The following ATP8B1 variants were observed in gnomAD, a reference collection of about 807,000 sequenced individuals.
ATP8B1 encodes the protein phospholipid-transporting ATPase IC.
ATP8B1 carries 80 observed loss-of-function variants against 149.9 expected under a neutral mutation model. The ratio of observed to expected loss-of-function variants is 0.53; its 90% CI spans 0.45 to 0.64. ATP8B1 has a LOEUF of 0.64. Ranked by LOEUF, ATP8B1 falls within the 30% of genes least tolerant of loss-of-function variation. ATP8B1 has a pLI of 0.00. For missense variants in ATP8B1, 1,247 were observed against 1,552.6 expected (o/e 0.80, Z 3.31); for synonymous variants, 536 against 562.8 (o/e 0.95, Z 0.67).
intron 1 of ATP8B1, among the ~76,000 whole-genome samples, chr18:57,745,664 T>A (rs1021760658): frequency 9.9e-5 from 15 of 151,866 alleles, no homozygotes; most frequent in African/African-American, 2.9e-4. Context: ...CAATTTTTTT[T>A]TTTTTTTTCT....
At chr18:57,767,594 C>G (rs1446863767) in intron 1 of ATP8B1, among the ~76,000 whole-genome samples, 2 of 152,076 alleles carry the variant, frequency 1.3e-5, no homozygotes, top group Non-Finnish European at 2.9e-5. Flanking sequence ...TCGAGACCAG[C>G]CTCGCTAACA....
intron 2 of ATP8B1, among the ~76,000 whole-genome samples, chr18:57,714,208 G>T (rs932472278): frequency 6.6e-6 from 1 of 152,192 alleles, no homozygotes; most frequent in African/African-American, 2.4e-5. Flanking sequence ...CCTGTGGAAA[G>T]GGCAGAATAG....
chr18:57,668,197 C>G, intron 19 of ATP8B1: 1 of 1,438,814 alleles, frequency 7.0e-7, no homozygotes, highest in Non-Finnish European at 9.2e-7. Context: ...ATCAGCAAGA[C>G]ATGGCCAGGA....
At chr18:57,659,706 A>G (rs1487384324) in intron 22 of ATP8B1, 2 of 151,860 alleles carry the variant, frequency 1.3e-5, no homozygotes, top group Admixed American at 1.3e-4. Flanking sequence ...TAGTGACCAC[A>G]GACATACGCA....
At chr18:57,774,704 G>A (rs1053253180) in intron 1 of ATP8B1, among the ~76,000 whole-genome samples, 1 of 152,188 alleles carries the variant, frequency 6.6e-6, no homozygotes, top group Non-Finnish European at 1.5e-5. Flanking sequence ...CCAGCACCCA[G>A]AATACAGTAC....
intron 2 of ATP8B1, among the ~76,000 whole-genome samples, chr18:57,716,676 A>G (rs1023317735): frequency 6.6e-6 from 1 of 152,240 alleles, no homozygotes; most frequent in African/African-American, 2.4e-5. Flanking sequence ...GCACCCAGAT[A>G]TATAAAGCAA....
rs779133419 is a variant in ATP8B1, at chr18:57,716,414, A to AT, written c.182-9828dup. Among the ~76,000 whole-genome samples, 238 of 151,994 alleles carry AT rather than the reference A, an allele frequency of 1.6e-3. 1 individual carries two copies. The highest frequency in any genetic ancestry group is 2.6e-3 in the Non-Finnish European group (177 of 67,932). The stretch of plus-strand genomic sequence containing the variant: ...CAAAAGATATAGAGTGGCTGAATAG[A>AT]TTTAAAAAAAAAAAAGACCCAGTGA... On this transcript the variant is annotated intron_variant, in intron 2 of 27. Transcript: ENST00000648908.
chr18:57,672,914 ATATATATATATAT>A (rs1911319148), intron 16 of ATP8B1, among the ~76,000 whole-genome samples: 1 of 76,424 alleles, frequency 1.3e-5, no homozygotes, highest in Non-Finnish European at 2.5e-5. Flanking sequence ...ATATATATAT[ATATATATATATAT>A]ATATAACATG....
chr18:57,727,400 A>C (rs2079719375), intron 2 of ATP8B1, among the ~76,000 whole-genome samples: 1 of 152,240 alleles, frequency 6.6e-6, no homozygotes, highest in Admixed American at 6.5e-5. Context: ...GATACGTTTC[A>C]ATGAGCCATC....
At chr18:57,756,505 T>C (rs761814891) in intron 1 of ATP8B1, among the ~76,000 whole-genome samples, 2 of 151,920 alleles carry the variant, frequency 1.3e-5, no homozygotes, top group Non-Finnish European at 2.9e-5. Flanking sequence ...TTTACCATGT[T>C]GGCCAGGCTG....
chr18:57,690,223 A>G (rs7231193), intron 12 of ATP8B1, among the ~76,000 whole-genome samples: 12,627 of 152,232 alleles, frequency 0.083, 988 homozygotes, highest in African/African-American at 0.2. Context: ...GGCAGAGAAA[A>G]GAGCAGGGAC....
intron 1 of ATP8B1, among the ~76,000 whole-genome samples, chr18:57,799,169 A>T (rs1316045370): frequency 6.6e-6 from 1 of 152,200 alleles, no homozygotes; most frequent in Admixed American, 6.5e-5. Context: ...AGGCAAGGTA[A>T]CTTGCCCTAG....
At chr18:57,714,979 CA>C (rs2079570762) in intron 2 of ATP8B1, among the ~76,000 whole-genome samples, 1 of 152,274 alleles carries the variant, frequency 6.6e-6, no homozygotes, top group Non-Finnish European at 1.5e-5. Flanking sequence ...CCTGCAGAAA[CA>C]AAACTATATG....
intron 2 of ATP8B1, among the ~76,000 whole-genome samples, chr18:57,715,150 T>C (rs1185395264): frequency 6.6e-6 from 1 of 152,112 alleles, no homozygotes; most frequent in Non-Finnish European, 1.5e-5. Context: ...TTCTATCAGA[T>C]AAATGTAACA....
chr18:57,734,328 T>G (rs2079823903), intron 1 of ATP8B1, among the ~76,000 whole-genome samples: 1 of 152,178 alleles, frequency 6.6e-6, no homozygotes, highest in Non-Finnish European at 1.5e-5. Context: ...TAGCTGGGAT[T>G]ACAGGCATGT....
chr18:57,791,518 A>G (rs1284185798), intron 1 of ATP8B1, among the ~76,000 whole-genome samples: 2 of 151,078 alleles, frequency 1.3e-5, no homozygotes, highest in African/African-American at 2.4e-5. Context: ...ACCTTTTTGT[A>G]TTTTTAGTAG....
chr18:57,708,696 TA>T (rs1368882312), intron 2 of ATP8B1: 1 of 152,222 alleles, frequency 6.6e-6, no homozygotes. Context: ...AAGGGATTTT[TA>T]AAAAGTCAAT....
At chr18:57,749,824 G>T (rs1165436833) in intron 1 of ATP8B1, among the ~76,000 whole-genome samples, 1 of 152,180 alleles carries the variant, frequency 6.6e-6, no homozygotes, top group Non-Finnish European at 1.5e-5. Context: ...CCCAACAATA[G>T]CAAATCTAAC....
At chr18:57,663,345 TG>T (rs1910617960) in intron 20 of ATP8B1, among the ~76,000 whole-genome samples, 1 of 152,218 alleles carries the variant, frequency 6.6e-6, no homozygotes, top group Admixed American at 6.5e-5. Context: ...GATGGGCACC[TG>T]GGTTGCGTCC....
Sources: allele counts gnomAD v4.1 joint callset (sites outside exome capture counted in the v4.1 genomes callset), GRCh38; gene constraint gnomAD v4.1.1; transcripts MANE v1.5; gene names NCBI Gene and HGNC (gene_info 2026-07-23, HGNC 2026-07-21).